TGFB3: variants seen among roughly 807,000 people sequenced by gnomAD.
TGFB3 encodes the protein transforming growth factor beta-3 proprotein.
Under a neutral mutation model 40.1 loss-of-function variants are expected in TGFB3, and 5 were observed. The observed-to-expected ratio is 0.12, with a 90% CI of 0.07 to 0.26. The LOEUF is 0.26. Ranked by LOEUF, TGFB3 falls within the 10% of genes least tolerant of loss-of-function variation. The probability of loss-of-function intolerance (pLI) is 1.00; values close to 1 mark genes in which losing one functional copy is unlikely to be tolerated. For missense variants in TGFB3, 373 were observed against 530.1 expected (o/e 0.70, Z 2.91); for synonymous variants, 184 against 205.6 (o/e 0.89, Z 0.90).
In TGFB3 at chr14:75,978,153, G is replaced by A. The variant is rs1244560279; in HGVS notation, c.352+2389C>T. On this transcript the variant is annotated intron_variant, in intron 1 of 6. Coordinates refer to ENST00000238682, the MANE Select transcript of TGFB3 (RefSeq NM_003239.5). The surrounding 1 kb of genome is among the most constrained non-coding windows in gnomAD (Gnocchi z 5.0). ...AATGCATGTTCACTGGGTCAGGGAA[G>A]TGGCCAGAAGTGAGGAAATATGGAA... Among the ~76,000 whole-genome samples the A allele has an allele frequency of 6.6e-6, 1 of 152,136 alleles. No homozygotes were observed. Among genetic ancestry groups the A allele is most frequent in the African/African-American group, 2.4e-5 (1 of 41,426 alleles).
At position 75,980,422 on chromosome 14, in the gene TGFB3, T is replaced by C. The variant is rs2035410511; in HGVS notation, c.352+120A>G. On this transcript the variant is annotated intron_variant, in intron 1 of 6. Coordinates refer to ENST00000238682, the MANE Select transcript of TGFB3 (RefSeq NM_003239.5). The surrounding 1 kb of genome is among the most constrained non-coding windows in gnomAD (Gnocchi z 4.3). The stretch of plus-strand genomic sequence containing the variant: ...GAGGAGCATCGCACATCCTGAGCCT[T>C]GGTGCTGGTGAATCCTGGGGCACCC... 2 of 1,045,866 alleles carry C rather than the reference T, an allele frequency of 1.9e-6. No individual in the cohort carries two copies. Among genetic ancestry groups the C allele is most frequent in the Non-Finnish European group, 3.0e-6 (2 of 674,344 alleles). The allele number at this position is 1,045,866 out of a possible 1,614,324, so 64.8% of individuals were successfully genotyped here.
chr14:75,975,320 A>G (rs2035340982), intron 1 of TGFB3, among the ~76,000 whole-genome samples: 1 of 152,212 alleles, frequency 6.6e-6, no homozygotes, highest in Non-Finnish European at 1.5e-5. Flanking sequence ...GTGAGCCGAG[A>G]TTGCACCAGT....
intron 3 of TGFB3, among the ~76,000 whole-genome samples, chr14:75,968,474 AT>A (rs1398415397): frequency 6.6e-6 from 1 of 152,236 alleles, no homozygotes; most frequent in Non-Finnish European, 1.5e-5. Flanking sequence ...GATGGAAATC[AT>A]TCTCAATGCA....
chr14:75,965,423 T>A (rs1270080438), intron 4 of TGFB3, among the ~76,000 whole-genome samples, 165 bp downstream of exon 4: 1 of 152,212 alleles, frequency 6.6e-6, no homozygotes, highest in Non-Finnish European at 1.5e-5. Flanking sequence ...GTTACACTCA[T>A]TGCTTTTGGG....
intron 1 of TGFB3, among the ~76,000 whole-genome samples, chr14:75,975,448 C>G (rs1411216176): frequency 6.6e-6 from 1 of 152,168 alleles, no homozygotes; most frequent in Non-Finnish European, 1.5e-5. Flanking sequence ...TCTTGACAAT[C>G]AAATTCACTG....
Position 75,971,109 on chromosome 14 carries a change from C to A in TGFB3, c.646+17G>T. The A allele has an allele frequency of 1.9e-6, 3 of 1,613,566 alleles. No individual in the cohort carries two copies. The highest frequency in any genetic ancestry group is 2.5e-6 in the Non-Finnish European group (3 of 1,179,940). On this transcript the variant is annotated intron_variant, in intron 3 of 6. Transcript: ENST00000238682. The surrounding 1 kb of genome is among the most constrained non-coding windows in gnomAD (Gnocchi z 4.5). ...CTGAGGTTCATTCTGAAATGCTTAT[C>A]TGAAGGGTCCACCTACCTCTTCTCA... is the stretch of plus-strand genomic sequence containing the variant.
chr14:75,982,504 C>T (rs1008649437), upstream of TGFB3, among the ~76,000 whole-genome samples: 7 of 152,202 alleles, frequency 4.6e-5, no homozygotes, highest in African/African-American at 1.7e-4. The surrounding 1 kb of genome is among the most constrained non-coding windows in gnomAD (Gnocchi z 4.0). Context: ...CGATCCTGGC[C>T]CGATTCTTCA....
Position 75,968,977 on chromosome 14 carries a change from C to T in TGFB3, c.646+2149G>A, listed in dbSNP as rs559681508. The stretch of plus-strand genomic sequence containing the variant: ...GAACAATAGGGAATGGTGGGGGCTG[C>T]GGGGACTGAGGATGCATACCCCATC... On this transcript the variant is annotated intron_variant, in intron 3 of 6. Coordinates refer to ENST00000238682, the MANE Select transcript of TGFB3 (RefSeq NM_003239.5). 2.3e-4 allele frequency among the ~76,000 whole-genome samples: 35 copies of T among 152,104 alleles called. 1 individual carries two copies. Among genetic ancestry groups the T allele is most frequent in the Non-Finnish European group, 5.0e-4 (34 of 68,006 alleles).
At chr14:75,963,510 C>A (rs927901006) in intron 4 of TGFB3, 23 bp from the exon 5 acceptor site, 2 of 1,613,984 alleles carry the variant, frequency 1.2e-6, no homozygotes, top group Non-Finnish European at 1.7e-6. Flanking sequence ...AGGAAAGTGA[C>A]AATCTCCTGT....
chr14:75,963,625 G>T, intron 4 of TGFB3, 138 bp from the exon 5 acceptor site: 1 of 982,374 alleles, frequency 1.0e-6, no homozygotes, highest in Non-Finnish European at 1.6e-6. Context: ...GACAAGTGCA[G>T]CTTAATTCTG....
At position 75,981,042 on chromosome 14, in the gene TGFB3, C is replaced by T; in HGVS notation, c.-149G>A. 1 of 724,124 alleles carries T rather than the reference C, an allele frequency of 1.4e-6. No homozygotes were observed. The highest frequency in any genetic ancestry group is 2.4e-6 in the Non-Finnish European group (1 of 412,684). The allele number at this position is 724,124 out of a possible 1,614,324, so 44.9% of individuals were successfully genotyped here. Reference sequence around the variant, plus strand: ...CAAGAAGGTGCATGAACTCACTGCACTGCGAGAGCTTCAGGACTTCCAGGA... The same window carrying T: ...CAAGAAGGTGCATGAACTCACTGCATTGCGAGAGCTTCAGGACTTCCAGGA... On this transcript the variant is annotated 5_prime_UTR_variant, in exon 1 of 7. The change creates a new upstream start codon in the 5' untranslated region. Coordinates refer to ENST00000238682, the MANE Select transcript of TGFB3 (RefSeq NM_003239.5). This position sits in a 1 kb window ranked among gnomAD's most constrained non-coding sequence, Gnocchi z 4.7.
chr14:75,960,719 A>C, intron 6 of TGFB3: 1 of 658,454 alleles, frequency 1.5e-6, no homozygotes, highest in East Asian at 2.8e-5. Flanking sequence ...AAGCTGGTTG[A>C]AACTATGGTA....
intron 3 of TGFB3, chr14:75,966,038 C>T (rs2035217503): frequency 5.6e-6 from 2 of 359,124 alleles, no homozygotes; most frequent in African/African-American, 4.2e-5. Context: ...TACACAGATA[C>T]AGTAAGGAAA....
At chr14:75,975,900 T>A (rs1351608948) in intron 1 of TGFB3, among the ~76,000 whole-genome samples, 1 of 152,198 alleles carries the variant, frequency 6.6e-6, no homozygotes, top group African/African-American at 2.4e-5. Flanking sequence ...CACAGAACAC[T>A]AGTATTATTG....
chr14:75,959,727 T>A (rs1465200358), intron 6 of TGFB3, among the ~76,000 whole-genome samples: 1 of 150,114 alleles, frequency 6.7e-6, no homozygotes, highest in East Asian at 2.0e-4. Context: ...GCAGAAATAG[T>A]GCCACCGCAC....
intron 5 of TGFB3, 159 bp downstream of exon 5, chr14:75,963,157 G>C (rs1031433264): frequency 3.5e-6 from 3 of 848,576 alleles, no homozygotes; most frequent in Non-Finnish European, 5.8e-6. Context: ...AGATTTCACA[G>C]AGAAAATCTC....
intron 4 of TGFB3, among the ~76,000 whole-genome samples, chr14:75,964,150 A>G (rs949627042): frequency 2.0e-5 from 3 of 152,180 alleles, no homozygotes; most frequent in Non-Finnish European, 2.9e-5. Context: ...TGCTAAGATT[A>G]CAGGTGTGAG....
chr14:75,978,641 G>A lies in TGFB3; in HGVS notation c.352+1901C>T, dbSNP rs1275756830. Among the ~76,000 whole-genome samples the A allele has an allele frequency of 2.0e-5, 3 of 152,264 alleles. No homozygotes were observed. Among genetic ancestry groups the A allele is most frequent in the Non-Finnish European group, 4.4e-5 (3 of 68,046 alleles). On this transcript the variant is annotated intron_variant, in intron 1 of 6. Coordinates refer to ENST00000238682, the MANE Select transcript of TGFB3 (RefSeq NM_003239.5). This position sits in a 1 kb window ranked among gnomAD's most constrained non-coding sequence, Gnocchi z 5.0. ...CCACATCCACCCATCTGTTGCAGTTGTAAGGTCTTGGTACTGCAGCCTGGA... is the reference window on the plus strand; with the variant it reads ...CCACATCCACCCATCTGTTGCAGTTATAAGGTCTTGGTACTGCAGCCTGGA...
At chr14:75,959,797 G>A (rs2035131224) in intron 6 of TGFB3, among the ~76,000 whole-genome samples, 1 of 151,824 alleles carries the variant, frequency 6.6e-6, no homozygotes, top group South Asian at 2.1e-4. Context: ...AAAACTGTTG[G>A]AACCTGGTTT....
Sources: gnomAD v4.1 joint callset for allele counts (sites outside exome capture counted in the v4.1 genomes callset) on GRCh38, gnomAD v4.1.1 for gene constraint, Gnocchi (gnomAD v3.1) non-coding constraint, MANE v1.5 for transcripts, NCBI Gene and HGNC (gene_info 2026-07-23, HGNC 2026-07-21) for gene names.